Variants in KHDRBS2 observed in about 807,000 individuals in gnomAD.
The protein encoded by KHDRBS2 is KH RNA binding domain containing, signal transduction associated 2.
KHDRBS2 carries 26 observed loss-of-function variants against 44.3 expected under a neutral mutation model. The observed-to-expected ratio is 0.59, with a 90% confidence interval of 0.43 to 0.81. The LOEUF is 0.81. Among genes scored for constraint, KHDRBS2 ranks in the 40% least tolerant of loss-of-function variants. KHDRBS2 has a pLI of 0.00. For missense variants in KHDRBS2, 476 were observed against 433.1 expected, an observed-to-expected ratio of 1.10 and a Z score of -0.88; for synonymous variants, 194 against 151.1, an observed-to-expected ratio of 1.28 and a Z score of -2.08.
chr6:62,108,546 T>C (rs1804122610), intron 2 of KHDRBS2, among the ~76,000 whole-genome samples: 1 of 152,168 alleles, frequency 6.6e-6, no homozygotes, highest in Admixed American at 6.5e-5. Flanking sequence ...TGGCGATTCC[T>C]CAGGGATCTA....
chr6:62,065,056 A>G (rs1307277941), intron 2 of KHDRBS2, among the ~76,000 whole-genome samples: 1 of 152,250 alleles, frequency 6.6e-6, no homozygotes, highest in Non-Finnish European at 1.5e-5. Context: ...TAGCCATCAG[A>G]GAAACGCAAA....
At chr6:62,172,343 C>T (rs762964645) in intron 2 of KHDRBS2, among the ~76,000 whole-genome samples, 2 of 151,992 alleles carry the variant, frequency 1.3e-5, no homozygotes, top group Non-Finnish European at 2.9e-5. Flanking sequence ...AAAAGAAGTA[C>T]ATTATATAAT....
At chr6:61,637,766 G>C in the KHDRBS2 span, among the ~76,000 whole-genome samples, 1 of 152,044 alleles carries the variant, frequency 6.6e-6, no homozygotes, top group Non-Finnish European at 1.5e-5. Flanking sequence ...GTTTTGATTT[G>C]CATTTCTCTG....
At chr6:61,707,078 A>G (rs1769711949) in intron 7 of KHDRBS2, among the ~76,000 whole-genome samples, 1 of 151,806 alleles carries the variant, frequency 6.6e-6, no homozygotes, top group Non-Finnish European at 1.5e-5. Context: ...ATGACATTAC[A>G]CTGAAAAAAG....
intron 6 of KHDRBS2, among the ~76,000 whole-genome samples, chr6:61,833,012 A>G (rs1384403288): frequency 6.6e-6 from 1 of 152,204 alleles, no homozygotes; most frequent in Non-Finnish European, 1.5e-5. Flanking sequence ...TGGACTTGGC[A>G]TATGTAATTT....
the KHDRBS2 span, among the ~76,000 whole-genome samples, chr6:61,599,675 A>T: frequency 6.6e-6 from 1 of 152,320 alleles, no homozygotes; most frequent in South Asian, 2.1e-4. Context: ...GCCAGGCAAC[A>T]AGGGTTGAGA....
In KHDRBS2 at chr6:62,156,235, CAT is replaced by C. The variant is rs548908978; in HGVS notation, c.219+20948_219+20949del. 3.0e-3 allele frequency among the ~76,000 whole-genome samples: 462 copies of C among 152,210 alleles called. 2 individuals carry two copies. The highest frequency in any genetic ancestry group is 0.011 in the African/African-American group (439 of 41,540). On this transcript the variant is annotated intron_variant, in intron 2 of 8. Transcript: ENST00000281156. Reference sequence around the variant, plus strand: ...CTGTGGCAAATATAAAAATAATAAACATGTGAAAAATGTTTCCCAAGTTCTAC... The same window carrying C: ...CTGTGGCAAATATAAAAATAATAAACGTGAAAAATGTTTCCCAAGTTCTAC...
intron 4 of KHDRBS2, among the ~76,000 whole-genome samples, chr6:61,966,515 G>A (rs566436253): frequency 6.6e-6 from 1 of 151,888 alleles, no homozygotes; most frequent in Non-Finnish European, 1.5e-5. Flanking sequence ...ATTTTTCTGG[G>A]CAGAGAATCC....
At chr6:61,717,254 A>G (rs753525721) in intron 7 of KHDRBS2, among the ~76,000 whole-genome samples, 1 of 152,102 alleles carries the variant, frequency 6.6e-6, no homozygotes, top group Non-Finnish European at 1.5e-5. Flanking sequence ...ATGTATACAT[A>G]CTGATAATTT....
intron 1 of KHDRBS2, among the ~76,000 whole-genome samples, chr6:62,260,381 G>A (rs1838145824): frequency 6.6e-6 from 1 of 151,902 alleles, no homozygotes; most frequent in South Asian, 2.1e-4. Context: ...ATAATTCTTA[G>A]TTCTATTACC....
intron 1 of KHDRBS2, among the ~76,000 whole-genome samples, chr6:62,177,804 T>C (rs566765022): frequency 1.3e-5 from 2 of 151,552 alleles, no homozygotes; most frequent in South Asian, 2.1e-4. Flanking sequence ...AATTGCATGA[T>C]ATTTCACTAG....
At chr6:61,978,715 C>G (rs1773234747) in intron 3 of KHDRBS2, among the ~76,000 whole-genome samples, 1 of 152,072 alleles carries the variant, frequency 6.6e-6, no homozygotes, top group Admixed American at 6.6e-5. Context: ...ATTTCCAAGT[C>G]TATGTTCTCA....
the KHDRBS2 span, among the ~76,000 whole-genome samples, chr6:61,655,873 G>T: frequency 6.6e-6 from 1 of 152,132 alleles, no homozygotes; most frequent in African/African-American, 2.4e-5. Context: ...TGTGGAGTTT[G>T]TTTGAAGTTT....
In KHDRBS2 at chr6:61,778,267, G is replaced by C. The variant is rs1452046976; in HGVS notation, c.811-45503C>G. Among the ~76,000 whole-genome samples the C allele has an allele frequency of 7.2e-5, 11 of 152,264 alleles. 1 individual carries two copies. The East Asian group carries it at 2.1e-3, about 29-fold the overall frequency. ...GGATGAACAGAGCCTCTGTCACTAA[G>C]ACATTTGGGTCAAGGTGGCACTGCC... On this transcript the variant is annotated intron_variant, in intron 6 of 8. Coordinates refer to ENST00000281156, the MANE Select transcript of KHDRBS2 (RefSeq NM_152688.4).
the KHDRBS2 span, among the ~76,000 whole-genome samples, chr6:61,668,460 C>G: frequency 3.4e-4 from 51 of 150,970 alleles, no homozygotes; most frequent in African/African-American, 1.2e-3. Context: ...GTGTAATGGT[C>G]TAAGAAAGTA....
chr6:61,974,521 T>C (rs1434877667), intron 4 of KHDRBS2, among the ~76,000 whole-genome samples: 1 of 152,086 alleles, frequency 6.6e-6, no homozygotes, highest in African/African-American at 2.4e-5. Flanking sequence ...TTAAGATAAA[T>C]AATCAAATAT....
At chr6:61,658,249 T>C in the KHDRBS2 span, among the ~76,000 whole-genome samples, 2 of 151,800 alleles carry the variant, frequency 1.3e-5, no homozygotes, top group South Asian at 4.1e-4. Flanking sequence ...CATATAGCCA[T>C]ATCACAGATA....
intron 2 of KHDRBS2, among the ~76,000 whole-genome samples, chr6:62,076,100 C>A (rs1157375089): frequency 1.3e-5 from 2 of 151,864 alleles, no homozygotes; most frequent in Non-Finnish European, 2.9e-5. Flanking sequence ...AATATCTATA[C>A]TTATTTCTCC....
At chr6:61,865,807 A>G (rs1200157671) in intron 6 of KHDRBS2, among the ~76,000 whole-genome samples, 1 of 152,230 alleles carries the variant, frequency 6.6e-6, no homozygotes, top group Non-Finnish European at 1.5e-5. Flanking sequence ...AAGGGGCTAC[A>G]GGCCCCATGC....
Sources: gnomAD v4.1 joint callset for allele counts (sites outside exome capture counted in the v4.1 genomes callset) on GRCh38, gnomAD v4.1.1 for gene constraint, MANE v1.5 for transcripts, NCBI Gene and HGNC (gene_info 2026-07-23, HGNC 2026-07-21) for gene names.